Variants in LRP1B observed in about 807,000 individuals in gnomAD.
LRP1B encodes LDL receptor related protein 1B, also known as low-density lipoprotein receptor-related protein 1B.
LRP1B carries 217 observed loss-of-function variants against 556.6 expected under a neutral mutation model. The observed-to-expected ratio is 0.39, with a 90% CI of 0.35 to 0.44. The LOEUF (loss-of-function observed/expected upper bound fraction) is 0.44. LRP1B is among the 20% of genes least tolerant of loss of function. LRP1B has a pLI of 1.00. For synonymous variants in LRP1B, 2,047 were observed against 1,865.8 expected (o/e 1.10, Z -2.50); for missense variants, 5,053 against 5,620.8 (o/e 0.90, Z 3.23).
chr2:140,775,318 GT>G (rs1689454453), intron 33 of LRP1B, among the ~76,000 whole-genome samples: 3 of 151,844 alleles, frequency 2.0e-5, no homozygotes, highest in Non-Finnish European at 2.9e-5. Context: ...CTCTGCTTTA[GT>G]CTACATACCC....
intron 2 of LRP1B, among the ~76,000 whole-genome samples, chr2:141,613,115 G>C (rs2105325040): frequency 6.6e-6 from 1 of 152,078 alleles, no homozygotes; most frequent in African/African-American, 2.4e-5. Flanking sequence ...GCCTGTTTTT[G>C]TTTTTTAGGG....
At chr2:141,783,744 T>A (rs1485418774) in intron 2 of LRP1B, among the ~76,000 whole-genome samples, 1 of 151,852 alleles carries the variant, frequency 6.6e-6, no homozygotes, top group Non-Finnish European at 1.5e-5. Flanking sequence ...TATTATATTA[T>A]TATATAGCAG....
intron 41 of LRP1B, among the ~76,000 whole-genome samples, chr2:140,611,020 G>A (rs563922268): frequency 3.9e-5 from 6 of 152,272 alleles, no homozygotes; most frequent in African/African-American, 1.4e-4. Flanking sequence ...ATATATGTCA[G>A]CATTGTTGTT....
chr2:140,797,520 G>A (rs983288551), intron 32 of LRP1B, among the ~76,000 whole-genome samples: 5 of 151,922 alleles, frequency 3.3e-5, no homozygotes, highest in African/African-American at 7.2e-5. Flanking sequence ...TAATAGTAAC[G>A]TTGGGTATAA....
At chr2:141,047,891 C>T (rs1424710364) in intron 11 of LRP1B, among the ~76,000 whole-genome samples, 1 of 152,088 alleles carries the variant, frequency 6.6e-6, no homozygotes, top group African/African-American at 2.4e-5. Context: ...CCATCTCCTG[C>T]CGAAGGAGTT....
At chr2:141,876,215 G>T (rs1336203434) in intron 1 of LRP1B, among the ~76,000 whole-genome samples, 1 of 151,918 alleles carries the variant, frequency 6.6e-6, no homozygotes, top group African/African-American at 2.4e-5. Flanking sequence ...GAAAGTTTGA[G>T]CTCCAAATGG....
At chr2:141,187,271 G>T (rs1223607346) in intron 7 of LRP1B, among the ~76,000 whole-genome samples, 4 of 152,048 alleles carry the variant, frequency 2.6e-5, no homozygotes, top group Non-Finnish European at 5.9e-5. Context: ...GTTCTTACGT[G>T]CAAGCTGTTC....
intron 66 of LRP1B, among the ~76,000 whole-genome samples, chr2:140,397,963 A>T (rs1684324098): frequency 6.6e-6 from 1 of 152,014 alleles, no homozygotes; most frequent in Non-Finnish European, 1.5e-5. Context: ...TGTATTTGTT[A>T]TTTACTTAGC....
At chr2:140,498,845 T>A (rs1201573918) in intron 55 of LRP1B, among the ~76,000 whole-genome samples, 3 of 151,938 alleles carry the variant, frequency 2.0e-5, no homozygotes, top group South Asian at 2.1e-4. Flanking sequence ...GTAAAATATT[T>A]GGTCTGAACC....
chr2:140,548,191 T>TG (rs1214314002), intron 43 of LRP1B, among the ~76,000 whole-genome samples: 1 of 152,138 alleles, frequency 6.6e-6, no homozygotes, highest in African/African-American at 2.4e-5. Flanking sequence ...GAGACGGGCT[T>TG]GGAGAGATTT....
intron 51 of LRP1B, 67 bp from the exon 52 acceptor site, chr2:140,510,123 A>G: frequency 6.5e-7 from 1 of 1,547,986 alleles, no homozygotes; most frequent in Non-Finnish European, 8.8e-7. Flanking sequence ...TACCATTTAC[A>G]TTTTCTACAG....
intron 1 of LRP1B, among the ~76,000 whole-genome samples, chr2:142,095,050 T>C (rs996151525): frequency 6.6e-6 from 1 of 151,716 alleles, no homozygotes; most frequent in Non-Finnish European, 1.5e-5. Context: ...TTAGTTAGAA[T>C]ATGTAAATTT....
At chr2:140,869,453 A>C (rs1693057010) in intron 25 of LRP1B, among the ~76,000 whole-genome samples, 1 of 152,142 alleles carries the variant, frequency 6.6e-6, no homozygotes, top group Non-Finnish European at 1.5e-5. Flanking sequence ...ATATCTGTCT[A>C]ATCAGTATAT....
At chr2:142,121,626 T>TG (rs1277984726) in intron 1 of LRP1B, among the ~76,000 whole-genome samples, 1 of 152,204 alleles carries the variant, frequency 6.6e-6, no homozygotes, top group African/African-American at 2.4e-5. Context: ...CGATTATAAC[T>TG]ACGACTCCCA....
Position 141,644,759 on chromosome 2 carries a change from A to G in LRP1B, c.206-164226T>C, listed in dbSNP as rs554526106. 3.4e-4 allele frequency among the ~76,000 whole-genome samples: 50 copies of G among 148,760 alleles called. 1 individual carries two copies. Among genetic ancestry groups the G allele is most frequent in the Admixed American group, 3.0e-3 (44 of 14,910 alleles). On this transcript the variant is annotated intron_variant, in intron 2 of 90. Transcript: ENST00000389484. ...CACACACACACACACACACACACAC[A>G]CACGCATACACATGCACACACACAC...
chr2:141,487,205 T>C (rs1403871917), intron 2 of LRP1B, among the ~76,000 whole-genome samples: 1 of 152,192 alleles, frequency 6.6e-6, no homozygotes, highest in Admixed American at 6.6e-5. Flanking sequence ...CTTCTCCAAA[T>C]TCTGTGGCAG....
At chr2:140,389,028 G>T (rs1518439) in intron 66 of LRP1B, among the ~76,000 whole-genome samples, 1 of 151,826 alleles carries the variant, frequency 6.6e-6, no homozygotes, top group East Asian at 1.9e-4. Flanking sequence ...AATATAAAAC[G>T]CTCACAATAT....
At chr2:140,756,769 T>C (rs796572675) in intron 35 of LRP1B, among the ~76,000 whole-genome samples, 8 of 152,280 alleles carry the variant, frequency 5.3e-5, no homozygotes, top group African/African-American at 1.9e-4. Context: ...CAATGGTTTC[T>C]TAGATATGAT....
chr2:140,473,671 G>T (rs1687856439), intron 60 of LRP1B, among the ~76,000 whole-genome samples: 1 of 151,768 alleles, frequency 6.6e-6, no homozygotes, highest in South Asian at 2.1e-4. Context: ...ATGCTGCAGT[G>T]TTTTTAAATA....
Sources: gnomAD v4.1 joint callset for allele counts (sites outside exome capture counted in the v4.1 genomes callset) on GRCh38, gnomAD v4.1.1 for gene constraint, MANE v1.5 for transcripts, NCBI Gene and HGNC (gene_info 2026-07-23, HGNC 2026-07-21) for gene names.